VIL1: variants seen among roughly 807,000 people sequenced by gnomAD.
The protein encoded by VIL1 is villin 1.
Under a neutral mutation model 104.0 loss-of-function variants are expected in VIL1, and 86 were observed. The ratio of observed to expected loss-of-function variants is 0.83; its 90% CI spans 0.69 to 0.99. The LOEUF (loss-of-function observed/expected upper bound fraction) is 0.99, where lower values mean the gene tolerates loss of function less well. Among genes scored for constraint, VIL1 ranks in the 50% least tolerant of loss-of-function variants. The pLI is 0.00. For missense variants in VIL1, 944 were observed against 1,054.1 expected, an observed-to-expected ratio of 0.90 and a Z score of 1.45; for synonymous variants, 394 against 412.6, an observed-to-expected ratio of 0.95 and a Z score of 0.55.
chr2:218,438,290 C>A (rs1689229112), intron 17 of VIL1, among the ~76,000 whole-genome samples: 1 of 152,212 alleles, frequency 6.6e-6, no homozygotes. Flanking sequence ...GGGGGACCCC[C>A]ACCCATCCCC....
rs915179516 is a variant in VIL1 at position 218,453,092 on chromosome 2, G to A, written c.*3756G>A. 14 of 152,174 alleles carry A rather than the reference G, an allele frequency of 9.2e-5. No homozygotes were observed. Among genetic ancestry groups the A allele is most frequent in the African/African-American group, 3.4e-4 (14 of 41,438 alleles). The allele number at this position is 152,174 out of a possible 1,614,324, so 9.4% of individuals were successfully genotyped here. ...GTAGGAGGCAAAGCATTTATCAGTAGTTGAGCAAAACTGCTGAGGCCATTT... is the reference window on the plus strand; with the variant it reads ...GTAGGAGGCAAAGCATTTATCAGTAATTGAGCAAAACTGCTGAGGCCATTT... On this transcript the variant is annotated 3_prime_UTR_variant, in exon 20 of 20. Transcript: ENST00000248444.
Position 218,453,244 on chromosome 2 carries a change from TTG to T in VIL1, c.*3912_*3913del, listed in dbSNP as rs1346246399. The T allele has an allele frequency of 6.6e-6, 1 of 151,360 alleles. No individual in the cohort carries two copies. The highest frequency in any genetic ancestry group is 2.5e-5 in the African/African-American group (1 of 40,758). 9.4% of individuals were successfully genotyped at this position (151,360 alleles called of 1,614,324 possible). ...ATGTTGCATCTTCTGTGATGATGGTTTGTGTTTTTTTTGTTTTTGTTTTCGTT... is the reference window on the plus strand; with the variant it reads ...ATGTTGCATCTTCTGTGATGATGGTTTGTTTTTTTTGTTTTTGTTTTCGTT... On this transcript the variant is annotated 3_prime_UTR_variant, in exon 20 of 20. Coordinates refer to ENST00000248444, the MANE Select transcript of VIL1 (RefSeq NM_007127.3).
intron 3 of VIL1, 68 bp downstream of exon 3, chr2:218,424,419 G>GT: frequency 6.5e-7 from 1 of 1,538,132 alleles, no homozygotes; most frequent in Non-Finnish European, 8.9e-7. Context: ...GGAGGAAACA[G>GT]GCTGGGGGCC....
intron 15 of VIL1, among the ~76,000 whole-genome samples, 197 bp downstream of exon 15, chr2:218,435,631 G>A (rs796829777): frequency 3.9e-5 from 6 of 152,332 alleles, no homozygotes; most frequent in African/African-American, 1.4e-4. Flanking sequence ...GGCTGTGTCT[G>A]TGCTGCTCAC....
At position 218,436,605 on chromosome 2, in the gene VIL1, C is replaced by T; in HGVS notation, c.1950C>T (p.Phe650=). 1 of 1,614,070 alleles carries T rather than the reference C, an allele frequency of 6.2e-7. No individual in the cohort carries two copies. Among genetic ancestry groups the T allele is most frequent in the Non-Finnish European group, 8.5e-7 (1 of 1,180,020 alleles). The change falls in exon 16 of 20, where the codon TTC becomes TTT. Residue 650 remains phenylalanine, a synonymous_variant. Transcript: ENST00000248444. The stretch of plus-strand genomic sequence containing the variant: ...ATGACTTGGAAGAGGATGATGTGTT[C>T]CTACTAGATGTCTGGGACCAGGTAG... ...NQDDLEEDDV[F]LLDVWDQVFF...
intron 19 of VIL1, among the ~76,000 whole-genome samples, chr2:218,444,793 G>T (rs901354548): frequency 1.3e-5 from 2 of 152,192 alleles, no homozygotes; most frequent in Non-Finnish European, 2.9e-5. Context: ...AAACAACAGG[G>T]AGGCGGATGT....
At chr2:218,424,977 T>A (rs1688955346) in intron 3 of VIL1, among the ~76,000 whole-genome samples, 1 of 151,736 alleles carries the variant, frequency 6.6e-6, no homozygotes, top group Admixed American at 6.6e-5. Context: ...CATCTTCATA[T>A]CACCTTGATT....
At chr2:218,432,542 G>T in intron 12 of VIL1, 1 of 712,956 alleles carries the variant, frequency 1.4e-6, no homozygotes, top group Non-Finnish European at 2.5e-6. Flanking sequence ...AGGAGGTTTG[G>T]GGTTAAGGCT....
At chr2:218,445,427 A>G (rs1689348600) in intron 19 of VIL1, among the ~76,000 whole-genome samples, 2 of 152,012 alleles carry the variant, frequency 1.3e-5, no homozygotes, top group African/African-American at 4.8e-5. Flanking sequence ...AAACAAAAAG[A>G]ACCCCCAAAC....
intron 3 of VIL1, among the ~76,000 whole-genome samples, chr2:218,424,942 G>A (rs528917519): frequency 1.5e-4 from 23 of 152,164 alleles, no homozygotes; most frequent in African/African-American, 4.1e-4. Flanking sequence ...TTACAGGCAT[G>A]AGCCACCATG....
At position 218,428,255 on chromosome 2, in the gene VIL1, G is replaced by A. The variant is rs146100199; in HGVS notation, c.485G>A (p.Arg162Gln). 25 of 1,614,030 alleles carry A rather than the reference G, an allele frequency of 1.5e-5. No individual in the cohort carries two copies. The highest frequency in any genetic ancestry group is 1.8e-5 in the Non-Finnish European group (21 of 1,180,028). ...EVEMSWKSFN[R>Q]GDVFLLDLGK... ...GAGATGTCCTGGAAGAGTTTCAACC[G>A]AGGGGATGTTTTCCTCCTGGACCTT... Residue 162 changes from arginine to glutamine, a missense_variant, in exon 6 of 20, where the codon CGA becomes CAA. Physicochemically the swap from Arg to Gln is conservative, Grantham distance 43 (BLOSUM62 1). Coordinates refer to ENST00000248444, the MANE Select transcript of VIL1 (RefSeq NM_007127.3).
chr2:218,432,093 G>A lies in VIL1; in HGVS notation c.1251G>A (p.Trp417Ter), dbSNP rs1689109305. ...AGCTGGTACCTGTGGATTCCAAGTG[G>A]CTAGGCCACTTCTATGGGGGCGACT... is the stretch of plus-strand genomic sequence containing the variant. Reference protein sequence around the residue: ...NLELVPVDSKWLGHFYGGDCY... With the variant: ...NLELVPVDSK The change falls in exon 12 of 20, where the codon TGG (tryptophan) becomes TGA (stop). Residue 417 changes from tryptophan to a stop codon, truncating the protein, a stop_gained. Transcript: ENST00000248444. LOFTEE classifies it high-confidence loss of function. 1.2e-6 allele frequency: 2 copies of A among 1,614,014 alleles called. No individual in the cohort carries two copies. The highest frequency in any genetic ancestry group is 2.7e-5 in the African/African-American group (2 of 74,912).
In VIL1 at chr2:218,425,739, G is replaced by A. The variant is rs765377445; in HGVS notation, c.275G>A (p.Arg92Gln). The A allele has an allele frequency of 3.6e-5, 58 of 1,614,084 alleles. No individual in the cohort carries two copies. Among genetic ancestry groups the A allele is most frequent in the Admixed American group, 2.3e-4 (14 of 60,002 alleles). ...TTQMDDFLKGRAVQHREVQGN... is the reference protein window; with the variant it reads ...TTQMDDFLKGQAVQHREVQGN... ...CAGATGGATGACTTCCTGAAGGGCC[G>A]GGCTGTGCAGCACCGCGAGGTCCAG... The change falls in exon 4 of 20, where the codon CGG becomes CAG. Residue 92 changes from arginine (R) to glutamine (Q), a missense_variant. Coordinates refer to ENST00000248444, the MANE Select transcript of VIL1 (RefSeq NM_007127.3).
intron 15 of VIL1, among the ~76,000 whole-genome samples, 186 bp downstream of exon 15, chr2:218,435,620 G>A (rs1689176725): frequency 2.0e-5 from 3 of 152,194 alleles, no homozygotes; most frequent in Non-Finnish European, 2.9e-5. Context: ...CTTGGCACAG[G>A]GGCTGTGTCT....
intron 19 of VIL1, among the ~76,000 whole-genome samples, chr2:218,448,848 C>T (rs1429219222): frequency 6.6e-6 from 1 of 151,896 alleles, no homozygotes; most frequent in Non-Finnish European, 1.5e-5. Flanking sequence ...CTACTAAAAA[C>T]ACAAAAGTTA....
chr2:218,442,522 G>T (rs1001829056), intron 19 of VIL1, among the ~76,000 whole-genome samples: 2 of 152,066 alleles, frequency 1.3e-5, no homozygotes, highest in African/African-American at 4.8e-5. Context: ...GCCCAGGCTG[G>T]AGTGCTGTTG....
At chr2:218,444,209 A>T (rs1689327967) in intron 19 of VIL1, among the ~76,000 whole-genome samples, 1 of 151,768 alleles carries the variant, frequency 6.6e-6, no homozygotes, top group Admixed American at 6.6e-5. Context: ...ACCTCAGGTG[A>T]TCCACCCGCC....
chr2:218,433,965 G>C (rs1345715361), intron 13 of VIL1, among the ~76,000 whole-genome samples: 1 of 151,824 alleles, frequency 6.6e-6, no homozygotes, highest in Non-Finnish European at 1.5e-5. Flanking sequence ...GGGAGGCCAA[G>C]GCGGGCGGAT....
chr2:218,429,431 G>C lies in VIL1; in HGVS notation c.714G>C (p.Ala238=), dbSNP rs201560572. ...HVLGKRRELK[A]AVPDTVVEPA... ...TGGGCAAGCGCAGGGAGCTGAAGGC[G>C]GCCGTGCCCGACACGGTGGTGGAGC... is the stretch of plus-strand genomic sequence containing the variant. The change falls in exon 7 of 20, where the codon GCG becomes GCC. Residue 238 remains alanine (A), a synonymous_variant. Coordinates refer to ENST00000248444, the MANE Select transcript of VIL1 (RefSeq NM_007127.3). 7 of 1,613,908 alleles carry C rather than the reference G, an allele frequency of 4.3e-6. No individual in the cohort carries two copies. The African/African-American group carries it at 9.3e-5, about 22-fold the overall frequency.
Sources: allele counts gnomAD v4.1 joint callset (sites outside exome capture counted in the v4.1 genomes callset), GRCh38; gene constraint gnomAD v4.1.1; transcripts MANE v1.5; gene names NCBI Gene and HGNC (gene_info 2026-07-23, HGNC 2026-07-21).